Variants in EDEM3 observed in about 807,000 individuals in gnomAD.
The protein encoded by EDEM3 is ER degradation-enhancing alpha-mannosidase-like protein 3.
In EDEM3, 60 loss-of-function variants were observed where a neutral mutation model predicts 110.2. The ratio of observed to expected loss-of-function variants is 0.54; its 90% CI spans 0.44 to 0.67. The LOEUF (loss-of-function observed/expected upper bound fraction) is 0.67. EDEM3 is among the 30% of genes least tolerant of loss of function. The pLI is 0.00. For synonymous variants in EDEM3, 352 were observed against 382.9 expected (o/e 0.92, Z 0.94); for missense variants, 996 against 1,121.0 (o/e 0.89, Z 1.59).
intron 8 of EDEM3, among the ~76,000 whole-genome samples, chr1:184,722,669 C>T (rs1023464953): frequency 2.0e-5 from 3 of 151,610 alleles, no homozygotes; most frequent in Admixed American, 6.6e-5. Context: ...AAATTTTATA[C>T]AATACTGAAT....
chr1:184,720,512 T>G (rs1005315931), intron 9 of EDEM3: 14 of 144,984 alleles, frequency 9.7e-5, no homozygotes, highest in Admixed American at 6.1e-4. Context: ...TCCCATACTT[T>G]TTTTTTTTTT....
chr1:184,710,751 G>A (rs538888231), intron 15 of EDEM3, among the ~76,000 whole-genome samples: 5 of 152,218 alleles, frequency 3.3e-5, no homozygotes, highest in Admixed American at 2.6e-4. Flanking sequence ...AGTTATAAAA[G>A]TTTGTATATT....
At chr1:184,704,392 T>C (rs926982469) in intron 18 of EDEM3, among the ~76,000 whole-genome samples, 2 of 152,030 alleles carry the variant, frequency 1.3e-5, no homozygotes, top group Admixed American at 1.3e-4. Context: ...CGGTGGCTCA[T>C]GGCTGTAATC....
At chr1:184,695,320 T>A (rs74455641) in intron 19 of EDEM3, among the ~76,000 whole-genome samples, 1 of 152,050 alleles carries the variant, frequency 6.6e-6, no homozygotes, top group South Asian at 2.1e-4. Context: ...CCAAATGCTA[T>A]ACCTGCCCTT....
At chr1:184,736,623 TA>T (rs1183770429) in intron 4 of EDEM3, among the ~76,000 whole-genome samples, 1 of 152,130 alleles carries the variant, frequency 6.6e-6, no homozygotes, top group Non-Finnish European at 1.5e-5. Flanking sequence ...TGGGAAAAAT[TA>T]ATTTTTTGCT....
chr1:184,714,856 C>G (rs898282246), intron 13 of EDEM3, among the ~76,000 whole-genome samples: 7 of 152,164 alleles, frequency 4.6e-5, no homozygotes, highest in African/African-American at 1.7e-4. Context: ...CATTTGTCAG[C>G]AGACCATACA....
intron 9 of EDEM3, among the ~76,000 whole-genome samples, chr1:184,720,128 A>G (rs1246460373): frequency 6.6e-6 from 1 of 152,172 alleles, no homozygotes; most frequent in Non-Finnish European, 1.5e-5. Context: ...CAGCTTTGAC[A>G]AAAGGTTGAG....
chr1:184,709,453 G>A (rs1221443768), intron 16 of EDEM3, among the ~76,000 whole-genome samples: 1 of 152,186 alleles, frequency 6.6e-6, no homozygotes, highest in Non-Finnish European at 1.5e-5. Context: ...TTGTGCCAAG[G>A]AGAGCTACAA....
chr1:184,749,198 A>G (rs1652612213), intron 2 of EDEM3, among the ~76,000 whole-genome samples: 1 of 152,200 alleles, frequency 6.6e-6, no homozygotes, highest in Non-Finnish European at 1.5e-5. Context: ...TAAATATTGT[A>G]AACATTTTTT....
intron 19 of EDEM3, among the ~76,000 whole-genome samples, chr1:184,697,916 T>C (rs1376203347): frequency 6.6e-6 from 1 of 151,640 alleles, no homozygotes; most frequent in Non-Finnish European, 1.5e-5. Context: ...CCTCTGTCCC[T>C]ATATGTGTGT....
In EDEM3 at chr1:184,712,471, G is replaced by A; in HGVS notation, c.1498C>T (p.Leu500Phe). Residue 500 changes from leucine to phenylalanine, a missense_variant, in exon 14 of 20, where the codon CTC becomes TTC. This residue lies in a region of EDEM3 where 138 missense variants were observed against 124.3 expected (regional missense o/e 1.11). Coordinates refer to ENST00000318130, the MANE Select transcript of EDEM3 (RefSeq NM_025191.4). ...GAGATGCTTTGATTTGTAGTAGAGA[G>A]CCAAAGAGGTAACAGATGAGCTTCT... ...TTEAHLLPLW[L>F]STTNQSISKK... is the part of the protein sequence containing the mutation. The A allele has an allele frequency of 6.2e-7, 1 of 1,603,916 alleles. No individual in the cohort carries two copies. Among genetic ancestry groups the A allele is most frequent in the African/African-American group, 1.3e-5 (1 of 74,358 alleles).
At position 184,746,457 on chromosome 1, in the gene EDEM3, G is replaced by A. The variant is rs567318778; in HGVS notation, c.204+3090C>T. Among the ~76,000 whole-genome samples, 3 of 152,300 alleles carry A rather than the reference G, an allele frequency of 2.0e-5. No homozygotes were observed. In the East Asian group the frequency reaches 5.8e-4, roughly 29 times the overall value. On this transcript the variant is annotated intron_variant, in intron 2 of 19. Coordinates refer to ENST00000318130, the MANE Select transcript of EDEM3 (RefSeq NM_025191.4). ...ATAAATAATAATGATAGTAGTAGTC[G>A]TTATCAGTAGCAGCAGTAAATTCTT...
intron 2 of EDEM3, 95 bp from the exon 3 acceptor site, chr1:184,737,806 A>C: frequency 9.3e-7 from 1 of 1,078,980 alleles, no homozygotes; most frequent in Non-Finnish European, 1.3e-6. Context: ...AAATAAAATA[A>C]TAGTCAAAAG....
chr1:184,751,282 A>C (rs1392568662), intron 1 of EDEM3, among the ~76,000 whole-genome samples: 1 of 152,082 alleles, frequency 6.6e-6, no homozygotes, highest in African/African-American at 2.4e-5. Context: ...ATATCAATGA[A>C]TGGAAGATGG....
In EDEM3 at chr1:184,704,649, CAAAAAAAAAAAA is replaced by C. The variant is rs58913815; in HGVS notation, c.2204-1665_2204-1654del. Reference sequence around the variant, plus strand: ...TGGGTGACAAAGCAAGACTCTGTCTCAAAAAAAAAAAAAAAAAAAAAAAAAAAAAAATTTCTG... The same window carrying C: ...TGGGTGACAAAGCAAGACTCTGTCTCAAAAAAAAAAAAAAAAAAATTTCTG... On this transcript the variant is annotated intron_variant, in intron 18 of 19. Transcript: ENST00000318130. Among the ~76,000 whole-genome samples the C allele has an allele frequency of 4.9e-3, 147 of 29,910 alleles. 1 individual carries two copies. The highest frequency in any genetic ancestry group is 0.016 in the South Asian group (7 of 442). 19.6% of individuals were successfully genotyped at this position (29,910 alleles called of 152,430 possible).
At chr1:184,707,347 C>T (rs552721538) in intron 17 of EDEM3, among the ~76,000 whole-genome samples, 3 of 152,174 alleles carry the variant, frequency 2.0e-5, no homozygotes, top group East Asian at 1.9e-4. Flanking sequence ...TTTTTAAACA[C>T]GTTACTATAA....
In EDEM3 at chr1:184,710,366, G is replaced by A. The variant is rs757667242; in HGVS notation, c.1845+28C>T. 44 of 1,605,382 alleles carry A rather than the reference G, an allele frequency of 2.7e-5. No homozygotes were observed. In the East Asian group the frequency reaches 8.3e-4, roughly 30 times the overall value. ...GACCAAAGAAAGCAGGGCAGAGACG[G>A]TATCTAATTAGTGTAGCAATGTCTT... On this transcript the variant is annotated intron_variant, in intron 16 of 19. Transcript: ENST00000318130.
At chr1:184,712,281 G>A (rs1336119696) in intron 14 of EDEM3, 152 bp downstream of exon 14, 1 of 702,940 alleles carries the variant, frequency 1.4e-6, no homozygotes, top group Non-Finnish European at 2.2e-6. Context: ...GTGTATACAG[G>A]ATGCAATAAA....
intron 16 of EDEM3, 128 bp from the exon 17 acceptor site, chr1:184,708,472 A>G: frequency 1.2e-6 from 1 of 834,730 alleles, no homozygotes; most frequent in Non-Finnish European, 1.8e-6. Context: ...GTCACCACCA[A>G]GTATTTATGA....
Sources: allele counts gnomAD v4.1 joint callset (sites outside exome capture counted in the v4.1 genomes callset), GRCh38; gene constraint gnomAD v4.1.1; regional missense constraint gnomAD v4.1.1; transcripts MANE v1.5; gene names NCBI Gene and HGNC (gene_info 2026-07-23, HGNC 2026-07-21).